The following ZNF572 variants were observed in gnomAD, a reference collection of about 807,000 sequenced individuals.
ZNF572 encodes the protein zinc finger protein 572.
A neutral mutation model predicts 3.8 loss-of-function variants in ZNF572; 2 were observed. The ratio of observed to expected loss-of-function variants is 0.52; its 90% confidence interval spans 0.21 to 1.65. The LOEUF is 1.65. Among genes scored for constraint, ZNF572 ranks in the 40% most tolerant of loss-of-function variants. The pLI, the probability that ZNF572 is intolerant of heterozygous loss-of-function variation, is 0.20. For synonymous variants in ZNF572, 187 were observed against 204.5 expected, an observed-to-expected ratio of 0.91 and a Z score of 0.73; for missense variants, 581 against 633.4, an observed-to-expected ratio of 0.92 and a Z score of 0.89.
Position 124,977,235 on chromosome 8 carries a change from A to G in ZNF572, c.967A>G (p.Thr323Ala). Residue 323 changes from threonine to alanine, a missense_variant, in exon 3 of 3, where the codon ACA becomes GCA. Thr to Ala is a moderately conservative substitution (Grantham distance 58). Coordinates refer to ENST00000319286, the MANE Select transcript of ZNF572 (RefSeq NM_152412.3). ...TCTAATAAAACATCAGAGAATACAT[A>G]CAGGAGAAAAGCCTTATCAATGTCC... is the stretch of plus-strand genomic sequence containing the variant. ...STLIKHQRIH[T>A]GEKPYQCPEC... 1.2e-6 allele frequency: 2 copies of G among 1,613,270 alleles called. No individual in the cohort carries two copies. The highest frequency in any genetic ancestry group is 1.7e-6 in the Non-Finnish European group (2 of 1,180,036).
Position 124,979,199 on chromosome 8 carries a change from A to C in ZNF572, c.*1341A>C, listed in dbSNP as rs1814553486. 6.6e-6 allele frequency: 1 copy of C among 152,612 alleles called. No homozygotes were observed. The highest frequency in any genetic ancestry group is 1.5e-5 in the Non-Finnish European group (1 of 68,038). The allele number at this position is 152,612 out of a possible 1,614,324, so 9.5% of individuals were successfully genotyped here. A position where few individuals can be genotyped will look rare whatever the true frequency, so the allele number is the denominator to read the frequency against. ...TGTATTTTATGAATAATATGCAGAG[A>C]TGCATATTAGGAATGTGAAGCCAGA... On this transcript the variant is annotated 3_prime_UTR_variant, in exon 3 of 3. Transcript: ENST00000319286.
At position 124,979,159 on chromosome 8, in the gene ZNF572, T is replaced by G. The variant is rs1357457364; in HGVS notation, c.*1301T>G. On this transcript the variant is annotated 3_prime_UTR_variant, in exon 3 of 3. Transcript: ENST00000319286. ...CTGAGTTGCCCATGATTTCATCTAA[T>G]TTTTGGATTCAGAATGTATTTTATG... The G allele has an allele frequency of 6.6e-6, 1 of 152,642 alleles. No individual in the cohort carries two copies. The highest frequency in any genetic ancestry group is 1.5e-5 in the Non-Finnish European group (1 of 68,038). 9.5% of individuals were successfully genotyped at this position (152,642 alleles called of 1,614,324 possible).
At chr8:124,974,595 A>C (rs1482229485) in intron 1 of ZNF572, among the ~76,000 whole-genome samples, 1 of 152,234 alleles carries the variant, frequency 6.6e-6, no homozygotes, top group Non-Finnish European at 1.5e-5. Flanking sequence ...TTTCTCCCAA[A>C]TAATGATACT....
chr8:124,976,212 C>A, intron 2 of ZNF572, 136 bp from the exon 3 acceptor site: 1 of 711,070 alleles, frequency 1.4e-6, no homozygotes, highest in Non-Finnish European at 2.1e-6. Flanking sequence ...AGAAGTAAAA[C>A]TGTCTTTAAA....
In ZNF572 at chr8:124,977,365, G is replaced by A. The variant is rs759586102; in HGVS notation, c.1097G>A (p.Gly366Asp). The A allele has an allele frequency of 2.5e-6, 4 of 1,614,094 alleles. No individual in the cohort carries two copies. The highest frequency in any genetic ancestry group is 2.2e-5 in the East Asian group (1 of 44,896). The change falls in exon 3 of 3, where the codon GGT becomes GAT. Residue 366 changes from glycine (G) to aspartate (D), a missense_variant. Coordinates refer to ENST00000319286, the MANE Select transcript of ZNF572 (RefSeq NM_152412.3). ...AGTTCTGAATATGAGGAAAGTTTGG[G>A]TCAGAACTGCAATGTGATAGAAGAA... is the stretch of plus-strand genomic sequence containing the variant. ...YESSEYEESL[G>D]QNCNVIEECR...
rs562578740 is a variant in ZNF572 at position 124,976,144 on chromosome 8, A to T, written c.80-204A>T. On this transcript the variant is annotated intron_variant, in intron 2 of 2. Transcript: ENST00000319286. ...TTGCCAATAATGATTCAAATAATTC[A>T]TTATTGTTGTTGCTAGGTACAAAAA... Among the ~76,000 whole-genome samples the T allele has an allele frequency of 2.6e-5, 4 of 152,302 alleles. No homozygotes were observed. In the East Asian group the frequency reaches 7.7e-4, roughly 29 times the overall value.
chr8:124,976,316 A>C, intron 2 of ZNF572, 32 bp from the exon 3 acceptor site: 1 of 1,509,334 alleles, frequency 6.6e-7, no homozygotes, highest in Non-Finnish European at 8.9e-7. Flanking sequence ...AGAGATTTGG[A>C]ATATGGTTAG....
Position 124,974,068 on chromosome 8 carries a change from A to G in ZNF572, c.-36+652A>G, listed in dbSNP as rs1814473323. On this transcript the variant is annotated intron_variant, in intron 1 of 2. Transcript: ENST00000319286. Reference sequence around the variant, plus strand: ...CCCCCCCAACTCAAACACTGGGGATATTAGTAATGTAGACTAGTTTCACGT... The same window carrying G: ...CCCCCCCAACTCAAACACTGGGGATGTTAGTAATGTAGACTAGTTTCACGT... Among the ~76,000 whole-genome samples, 5 of 152,180 alleles carry G rather than the reference A, an allele frequency of 3.3e-5. No individual in the cohort carries two copies. In the South Asian group the frequency reaches 1.0e-3, roughly 32 times the overall value.
intron 1 of ZNF572, among the ~76,000 whole-genome samples, chr8:124,974,066 A>G (rs569149053): frequency 1.6e-4 from 24 of 152,202 alleles, no homozygotes; most frequent in African/African-American, 4.8e-4. Flanking sequence ...AACACTGGGG[A>G]TATTAGTAAT....
Position 124,977,213 on chromosome 8 carries a change from A to G in ZNF572, c.945A>G (p.Leu315=), listed in dbSNP as rs138353949. The part of the protein sequence containing the change: ...CEKSFGCNST[L]IKHQRIHTGE... ...AAAGCTTTGGTTGTAATTCTACTCTAATAAAACATCAGAGAATACATACAG... is the reference window on the plus strand; with the variant it reads ...AAAGCTTTGGTTGTAATTCTACTCTGATAAAACATCAGAGAATACATACAG... The change falls in exon 3 of 3, where the codon CTA becomes CTG. Residue 315 remains leucine (L), a synonymous_variant. Transcript: ENST00000319286. The G allele has an allele frequency of 2.5e-4, 403 of 1,612,362 alleles. 2 individuals carry two copies. The highest frequency in any genetic ancestry group is 1.5e-3 in the South Asian group (139 of 91,084).
rs1386151986 is a variant in ZNF572 at position 124,977,839 on chromosome 8, T to A, written c.1571T>A (p.Val524Asp). Residue 524 changes from valine to aspartate, a missense_variant, in exon 3 of 3, where the codon GTC (valine) becomes GAC (aspartate). By Grantham distance (152) the Val-to-Asp change is radical. Coordinates refer to ENST00000319286, the MANE Select transcript of ZNF572 (RefSeq NM_152412.3). ...GEMPFISSFSVSNSSS is the reference protein window; with the variant it reads ...GEMPFISSFSDSNSSS ...ATGCCCTTCATCTCTTCATTTTCCGTCTCAAATTCATCTTCCTGAGTCCCA... is the reference window on the plus strand; with the variant it reads ...ATGCCCTTCATCTCTTCATTTTCCGACTCAAATTCATCTTCCTGAGTCCCA... The A allele has an allele frequency of 6.3e-7, 1 of 1,584,026 alleles. No individual in the cohort carries two copies. The highest frequency in any genetic ancestry group is 2.2e-5 in the East Asian group (1 of 44,552).
chr8:124,977,938 T>C lies in ZNF572; in HGVS notation c.*80T>C. The C allele has an allele frequency of 7.0e-7, 1 of 1,437,022 alleles. No individual in the cohort carries two copies. Among genetic ancestry groups the C allele is most frequent in the Non-Finnish European group, 9.3e-7 (1 of 1,079,660 alleles). 89.0% of individuals were successfully genotyped at this position (1,437,022 alleles called of 1,614,324 possible). Reference sequence around the variant, plus strand: ...TAGGTATTCTGTGATTGTTGTGCTATAAAGTTTCTTTGATGTGTTTGTCAA... The same window carrying C: ...TAGGTATTCTGTGATTGTTGTGCTACAAAGTTTCTTTGATGTGTTTGTCAA... On this transcript the variant is annotated 3_prime_UTR_variant, in exon 3 of 3. Transcript: ENST00000319286.
rs1814549372 is a variant in ZNF572 at position 124,978,774 on chromosome 8, G to A, written c.*916G>A. On this transcript the variant is annotated 3_prime_UTR_variant, in exon 3 of 3. Transcript: ENST00000319286. Reference sequence around the variant, plus strand: ...TGACCAAAGCCAGAATAGAAGGCAGGATTCCTGAATTCTATCTTAAAATTT... The same window carrying A: ...TGACCAAAGCCAGAATAGAAGGCAGAATTCCTGAATTCTATCTTAAAATTT... The A allele has an allele frequency of 6.6e-6, 1 of 152,196 alleles. No individual in the cohort carries two copies. Among genetic ancestry groups the A allele is most frequent in the South Asian group, 2.1e-4 (1 of 4,834 alleles). 9.4% of individuals were successfully genotyped at this position (152,196 alleles called of 1,614,324 possible). A position where few individuals can be genotyped will look rare whatever the true frequency, so the allele number is the denominator to read the frequency against.
chr8:124,975,506 C>G (rs192311435), intron 1 of ZNF572, 100 bp from the exon 2 acceptor site: 2 of 665,966 alleles, frequency 3.0e-6, no homozygotes, highest in Admixed American at 5.4e-5. Flanking sequence ...GTTCATGGAA[C>G]ATTCTATGCC....
chr8:124,975,295 T>C (rs565103442), intron 1 of ZNF572, among the ~76,000 whole-genome samples: 4 of 152,378 alleles, frequency 2.6e-5, no homozygotes, highest in African/African-American at 9.6e-5. Context: ...CTTTGCTTTT[T>C]AAAGTAAAAG....
rs1416370196 is a variant in ZNF572 at position 124,977,340 on chromosome 8, AG to A, written c.1073del (p.Ser358IlefsTer14). 1 of 1,614,256 alleles carries A rather than the reference AG, an allele frequency of 6.2e-7. No homozygotes were observed. The highest frequency in any genetic ancestry group is 1.7e-5 in the Admixed American group (1 of 60,032). ...KMHTGEKSYESSEYEESLGQN... is the reference protein window; with the variant it reads ...KMHTGEKSYEXSEYEESLGQN... Reference sequence around the variant, plus strand: ...GCACACAGGAGAGAAATCCTATGAAAGTTCTGAATATGAGGAAAGTTTGGGT... The same window carrying A: ...GCACACAGGAGAGAAATCCTATGAAATTCTGAATATGAGGAAAGTTTGGGT... On this transcript the variant is annotated frameshift_variant, in exon 3 of 3. Transcript: ENST00000319286. LOFTEE classifies it low-confidence loss of function (END_TRUNC).
rs375433790 is a variant in ZNF572 at position 124,977,894 on chromosome 8, T to A, written c.*36T>A. On this transcript the variant is annotated 3_prime_UTR_variant, in exon 3 of 3. Coordinates refer to ENST00000319286, the MANE Select transcript of ZNF572 (RefSeq NM_152412.3). ...CTGGTTGGTGATGGTTTTTTCTTCC[T>A]TGTTGGACCATGACAATTTAGGTAT... The A allele has an allele frequency of 1.3e-6, 2 of 1,522,570 alleles. No homozygotes were observed. The highest frequency in any genetic ancestry group is 8.8e-7 in the Non-Finnish European group (1 of 1,137,572). The allele number at this position is 1,522,570 out of a possible 1,614,324, so 94.3% of individuals were successfully genotyped here. A position where few individuals can be genotyped will look rare whatever the true frequency, so the allele number is the denominator to read the frequency against.
rs1368727699 is a variant in ZNF572 at position 124,978,093 on chromosome 8, A to G, written c.*235A>G. 1.2e-5 allele frequency: 6 copies of G among 487,746 alleles called. No homozygotes were observed. The highest frequency in any genetic ancestry group is 1.1e-4 in the Admixed American group (3 of 26,464). 30.2% of individuals were successfully genotyped at this position (487,746 alleles called of 1,614,324 possible). A position where few individuals can be genotyped will look rare whatever the true frequency, so the allele number is the denominator to read the frequency against. Reference sequence around the variant, plus strand: ...AGGAGGACTTTTAAAAATTTAAGGTAAGATAGTAATAGCTTCAAAAGAACA... The same window carrying G: ...AGGAGGACTTTTAAAAATTTAAGGTGAGATAGTAATAGCTTCAAAAGAACA... On this transcript the variant is annotated 3_prime_UTR_variant, in exon 3 of 3. Coordinates refer to ENST00000319286, the MANE Select transcript of ZNF572 (RefSeq NM_152412.3).
rs762802697 is a variant in ZNF572 at position 124,977,146 on chromosome 8, C to G, written c.878C>G (p.Thr293Arg). The G allele has an allele frequency of 3.7e-6, 6 of 1,608,898 alleles. No individual in the cohort carries two copies. The highest frequency in any genetic ancestry group is 1.1e-5 in the South Asian group (1 of 91,070). ...TCCAGCCTCATTCGCCACCAGCGGACACACACAGGTGAGAAGCCCTACAAA... is the reference window on the plus strand; with the variant it reads ...TCCAGCCTCATTCGCCACCAGCGGAGACACACAGGTGAGAAGCCCTACAAA... ...QSSSLIRHQRTHTGEKPYKCL... is the reference protein window; with the variant it reads ...QSSSLIRHQRRHTGEKPYKCL... Residue 293 changes from threonine to arginine, a missense_variant, in exon 3 of 3, where the codon ACA (threonine) becomes AGA (arginine). By Grantham distance (71) the Thr-to-Arg change is moderately conservative. Transcript: ENST00000319286.
Sources: gnomAD v4.1 joint callset for allele counts (sites outside exome capture counted in the v4.1 genomes callset) on GRCh38, gnomAD v4.1.1 for gene constraint, MANE v1.5 for transcripts, NCBI Gene and HGNC (gene_info 2026-07-23, HGNC 2026-07-21) for gene names.